Variants in ITFG1 observed in about 807,000 individuals in gnomAD.
ITFG1 encodes T-cell immunomodulatory protein.
A neutral mutation model predicts 81.8 loss-of-function variants in ITFG1; 34 were observed. The observed-to-expected ratio is 0.42, with a 90% CI of 0.32 to 0.55. The LOEUF is 0.55. Ranked by LOEUF, ITFG1 falls within the 20% of genes least tolerant of loss-of-function variation. The pLI is 0.17. For synonymous variants in ITFG1, 285 were observed against 270.6 expected, an observed-to-expected ratio of 1.05 and a Z score of -0.52; for missense variants, 672 against 755.4, an observed-to-expected ratio of 0.89 and a Z score of 1.29.
At chr16:47,180,479 C>T (rs1291584065) in intron 14 of ITFG1, among the ~76,000 whole-genome samples, 5 of 152,076 alleles carry the variant, frequency 3.3e-5, no homozygotes, top group Admixed American at 2.6e-4. Context: ...CTGCAATCTC[C>T]CTGCCTGATT....
chr16:47,342,232 T>C (rs1296427096), intron 8 of ITFG1, among the ~76,000 whole-genome samples: 4 of 152,096 alleles, frequency 2.6e-5, no homozygotes, highest in Non-Finnish European at 5.9e-5. Context: ...AATTGACCAA[T>C]GTAATACATC....
rs1402745687 is a variant in ITFG1 at position 47,409,323 on chromosome 16, A to C, written c.655+19481T>G. ...ACCGAAATACCAAAAAAAAAATCCA[A>C]CTGGATCACAGATTTAAATGCAAAT... On this transcript the variant is annotated intron_variant, in intron 6 of 17. Transcript: ENST00000320640. Among the ~76,000 whole-genome samples, 4 of 136,610 alleles carry C rather than the reference A, an allele frequency of 2.9e-5. No individual in the cohort carries two copies. The Admixed American group carries it at 3.0e-4, about 10-fold the overall frequency. The allele number at this position is 136,610 out of a possible 152,430, so 89.6% of individuals were successfully genotyped here. A position where few individuals can be genotyped will look rare whatever the true frequency, so the allele number is the denominator to read the frequency against.
At chr16:47,392,275 G>A (rs1003153075) in intron 6 of ITFG1, among the ~76,000 whole-genome samples, 5 of 152,070 alleles carry the variant, frequency 3.3e-5, no homozygotes, top group African/African-American at 9.7e-5. Context: ...AACGACGAAC[G>A]CCCACAAAAA....
chr16:47,389,697 A>G (rs2151595302), intron 6 of ITFG1, among the ~76,000 whole-genome samples: 1 of 152,326 alleles, frequency 6.6e-6, no homozygotes, highest in African/African-American at 2.4e-5. Flanking sequence ...TGACATTTCC[A>G]TGTCTCACTG....
intron 10 of ITFG1, among the ~76,000 whole-genome samples, chr16:47,302,259 T>C (rs1967088052): frequency 6.6e-6 from 1 of 152,214 alleles, no homozygotes; most frequent in South Asian, 2.1e-4. Flanking sequence ...TTTGTATTCA[T>C]ATTTAAAAGA....
Position 47,428,794 on chromosome 16 carries a change from T to G in ITFG1, c.655+10A>C. The G allele has an allele frequency of 6.4e-7, 1 of 1,562,702 alleles. No individual in the cohort carries two copies. On this transcript the variant is annotated intron_variant, in intron 6 of 17. Transcript: ENST00000320640. ...AACTCAAAACAATTCCAGATTTATG[T>G]GCAACTCACCTGCTGTAAAATCTTC...
chr16:47,415,210 G>T (rs1406262245), intron 6 of ITFG1, among the ~76,000 whole-genome samples: 2 of 152,190 alleles, frequency 1.3e-5, no homozygotes, highest in Non-Finnish European at 2.9e-5. Context: ...CAATGCAGAT[G>T]CTTATTCTTT....
chr16:47,281,798 G>A (rs138238035), intron 10 of ITFG1, among the ~76,000 whole-genome samples: 1 of 151,818 alleles, frequency 6.6e-6, no homozygotes, highest in East Asian at 1.9e-4. Flanking sequence ...GAGGTTTAAC[G>A]ATTTTGTTGA....
chr16:47,407,482 C>T (rs555312602), intron 6 of ITFG1, among the ~76,000 whole-genome samples: 4 of 152,238 alleles, frequency 2.6e-5, no homozygotes, highest in South Asian at 4.1e-4. Flanking sequence ...TCCCTAGTAA[C>T]TGGGATTACA....
rs531620400 is a variant in ITFG1, at chr16:47,236,605, CCATGTAATAATCAAAGAGCCA to C, written c.1374+1339_1374+1359del. 2.4e-4 allele frequency among the ~76,000 whole-genome samples: 37 copies of C among 152,022 alleles called. No individual in the cohort carries two copies. The East Asian group carries it at 7.1e-3, about 29-fold the overall frequency. On this transcript the variant is annotated intron_variant, in intron 13 of 17. Coordinates refer to ENST00000320640, the MANE Select transcript of ITFG1 (RefSeq NM_030790.5). ...ACTTTTTAAAGTTATTACATGGCCA[CCATGTAATAATCAAAGAGCCA>C]CAGAATGGAGATATGGTTAGTTAGA...
chr16:47,223,861 T>C (rs1384099413), intron 13 of ITFG1, among the ~76,000 whole-genome samples: 1 of 152,146 alleles, frequency 6.6e-6, no homozygotes, highest in Non-Finnish European at 1.5e-5. Context: ...GTGGCACATA[T>C]ACACCATGGA....
intron 14 of ITFG1, among the ~76,000 whole-genome samples, chr16:47,201,458 C>T (rs1435549067): frequency 6.6e-6 from 1 of 152,162 alleles, no homozygotes; most frequent in African/African-American, 2.4e-5. Context: ...CCTCCTGCCT[C>T]AGCCTCCCAG....
intron 6 of ITFG1, among the ~76,000 whole-genome samples, chr16:47,414,084 G>T (rs1313735400): frequency 1.3e-5 from 2 of 151,558 alleles, no homozygotes; most frequent in East Asian, 3.9e-4. Flanking sequence ...GCCTCCCAAA[G>T]TCCTGGGATT....
intron 7 of ITFG1, among the ~76,000 whole-genome samples, chr16:47,374,661 A>G (rs1236402752): frequency 1.3e-5 from 2 of 152,250 alleles, no homozygotes; most frequent in African/African-American, 2.4e-5. Context: ...TATAGCAACC[A>G]TATTTCTATT....
intron 14 of ITFG1, among the ~76,000 whole-genome samples, chr16:47,175,535 A>C (rs929067212): frequency 6.6e-6 from 1 of 152,128 alleles, no homozygotes; most frequent in Non-Finnish European, 1.5e-5. Flanking sequence ...ATCATCATCC[A>C]AGATTTTGTC....
chr16:47,365,775 T>A lies in ITFG1; in HGVS notation c.802+13A>T, dbSNP rs753009351. ...GGCAAAAGCCTTTTTTTTTTTTTTTTACCAAATCTTACCAAAGTCTGCAAA... is the reference window on the plus strand; with the variant it reads ...GGCAAAAGCCTTTTTTTTTTTTTTTAACCAAATCTTACCAAAGTCTGCAAA... On this transcript the variant is annotated intron_variant, in intron 8 of 17. Coordinates refer to ENST00000320640, the MANE Select transcript of ITFG1 (RefSeq NM_030790.5). 37 of 1,471,960 alleles carry A rather than the reference T, an allele frequency of 2.5e-5. No homozygotes were observed. Among genetic ancestry groups the A allele is most frequent in the Non-Finnish European group, 3.1e-5 (33 of 1,065,426 alleles). 91.2% of individuals were successfully genotyped at this position (1,471,960 alleles called of 1,614,324 possible).
chr16:47,368,739 T>C (rs575676616), intron 7 of ITFG1, among the ~76,000 whole-genome samples: 9 of 152,234 alleles, frequency 5.9e-5, no homozygotes, highest in African/African-American at 1.4e-4. Flanking sequence ...TGAAGGTCTA[T>C]GAATTTTGGT....
chr16:47,286,271 C>A (rs921953601), intron 10 of ITFG1, among the ~76,000 whole-genome samples: 2 of 152,148 alleles, frequency 1.3e-5, no homozygotes, highest in African/African-American at 4.8e-5. Flanking sequence ...GAGGCTGGGA[C>A]TTTAACTGCC....
chr16:47,271,461 C>T (rs1183196025), intron 10 of ITFG1, among the ~76,000 whole-genome samples: 1 of 152,104 alleles, frequency 6.6e-6, no homozygotes, highest in Non-Finnish European at 1.5e-5. Flanking sequence ...AGACAGGTAA[C>T]AGAGGTTGGT....
Sources: gnomAD v4.1 joint callset for allele counts (sites outside exome capture counted in the v4.1 genomes callset) on GRCh38, gnomAD v4.1.1 for gene constraint, MANE v1.5 for transcripts, NCBI Gene and HGNC (gene_info 2026-07-23, HGNC 2026-07-21) for gene names.